The following AGBL1 variants were observed in gnomAD, a reference collection of about 807,000 sequenced individuals.
The protein encoded by AGBL1 is AGBL carboxypeptidase 1.
In AGBL1, 130 loss-of-function variants were observed where a neutral mutation model predicts 118.9. That is an observed-to-expected ratio of 1.09 (90% confidence interval 0.95 to 1.26). The LOEUF (loss-of-function observed/expected upper bound fraction) is 1.26, where lower values mean the gene tolerates loss of function less well. Ranked by LOEUF, AGBL1 falls within the 50% of genes most tolerant of loss-of-function variation. AGBL1 has a pLI of 0.00. For missense variants in AGBL1, 1,584 were observed against 1,298.1 expected (o/e 1.22, Z -3.38); for synonymous variants, 555 against 478.9 (o/e 1.16, Z -2.08).
intron 19 of AGBL1, among the ~76,000 whole-genome samples, chr15:86,541,147 G>C (rs2083489393): frequency 6.6e-6 from 1 of 152,160 alleles, no homozygotes; most frequent in Non-Finnish European, 1.5e-5. Flanking sequence ...GGTAAAAGTT[G>C]GTGGAAAATT....
chr15:86,267,060 G>A lies in AGBL1; in HGVS notation c.1822G>A (p.Ala608Thr), dbSNP rs368031166. The change falls in exon 13 of 23, where the codon GCC (alanine) becomes ACC (threonine). Residue 608 changes from alanine to threonine, a missense_variant. Ala to Thr is a moderately conservative substitution (Grantham distance 58, BLOSUM62 0). Transcript: ENST00000614907. The stretch of plus-strand genomic sequence containing the variant: ...ATTTGAGTCAGGAAATCTTCGCAAA[G>A]CCATCCAAGTGCGTGAGTAAGTAAG... ...SKFESGNLRK[A>T]IQVREFEYDL... 1 of 1,564,234 alleles carries A rather than the reference G, an allele frequency of 6.4e-7. No individual in the cohort carries two copies. The highest frequency in any genetic ancestry group is 8.7e-7 in the Non-Finnish European group (1 of 1,153,210).
intron 17 of AGBL1, among the ~76,000 whole-genome samples, chr15:86,352,513 G>A (rs950184028): frequency 1.3e-5 from 2 of 149,018 alleles, no homozygotes; most frequent in Admixed American, 1.3e-4. Context: ...GTCTTGGTCT[G>A]TTGTCCAAGC....
At chr15:86,643,897 C>T (rs1365356207) in intron 21 of AGBL1, among the ~76,000 whole-genome samples, 1 of 152,130 alleles carries the variant, frequency 6.6e-6, no homozygotes, top group African/African-American at 2.4e-5. Context: ...CAGCTTTCAA[C>T]TTTTAGGACC....
intron 24 of AGBL1, among the ~76,000 whole-genome samples, chr15:86,996,783 T>C (rs2081384235): frequency 6.6e-6 from 1 of 152,196 alleles, no homozygotes; most frequent in African/African-American, 2.4e-5. Context: ...TCATTTACAA[T>C]TCAATAGCAA....
chr15:86,713,343 C>G (rs547176586), intron 22 of AGBL1, among the ~76,000 whole-genome samples: 38 of 152,230 alleles, frequency 2.5e-4, no homozygotes, highest in African/African-American at 7.7e-4. Flanking sequence ...TGTTATGAAG[C>G]GTTGCTGTGG....
intron 22 of AGBL1, among the ~76,000 whole-genome samples, chr15:86,828,876 A>G (rs1055037367): frequency 6.7e-6 from 1 of 149,390 alleles, no homozygotes; most frequent in Non-Finnish European, 1.5e-5. Context: ...AATTACATAT[A>G]CAGTCATATA....
chr15:86,816,906 C>G (rs1374410516), intron 22 of AGBL1, among the ~76,000 whole-genome samples: 1 of 152,082 alleles, frequency 6.6e-6, no homozygotes, highest in Non-Finnish European at 1.5e-5. Flanking sequence ...GTAAGAAAGG[C>G]ATTATTACAT....
chr15:86,611,580 G>A (rs1440117918), intron 21 of AGBL1, among the ~76,000 whole-genome samples: 1 of 152,142 alleles, frequency 6.6e-6, no homozygotes. Flanking sequence ...CCTACAAGGT[G>A]AATTGCATCC....
chr15:86,692,009 G>C (rs533180972), intron 22 of AGBL1, among the ~76,000 whole-genome samples: 25 of 151,990 alleles, frequency 1.6e-4, no homozygotes, highest in Admixed American at 6.6e-4. Context: ...TTTGAGGCTT[G>C]TCCCTCTCTT....
chr15:86,351,322 C>T (rs1213739621), intron 17 of AGBL1, among the ~76,000 whole-genome samples: 1 of 152,106 alleles, frequency 6.6e-6, no homozygotes, highest in Non-Finnish European at 1.5e-5. Context: ...GGGCAAAGTC[C>T]TTATGGCCTT....
intron 22 of AGBL1, among the ~76,000 whole-genome samples, chr15:86,710,267 A>G (rs2086533561): frequency 6.6e-6 from 1 of 152,162 alleles, no homozygotes; most frequent in Non-Finnish European, 1.5e-5. Flanking sequence ...GATGGATTGC[A>G]TGTTGGGGTG....
chr15:86,160,291 A>C (rs1028483042), intron 5 of AGBL1, among the ~76,000 whole-genome samples: 6 of 152,000 alleles, frequency 3.9e-5, no homozygotes, highest in Non-Finnish European at 7.4e-5. Context: ...GACCAAAAAA[A>C]TTTATTTTCT....
At chr15:86,763,227 G>A (rs1256742678) in intron 22 of AGBL1, among the ~76,000 whole-genome samples, 1 of 151,906 alleles carries the variant, frequency 6.6e-6, no homozygotes. Context: ...TATGACTTAT[G>A]CACATGGACA....
intron 22 of AGBL1, among the ~76,000 whole-genome samples, chr15:86,783,569 C>T (rs2078364818): frequency 6.6e-6 from 1 of 152,174 alleles, no homozygotes; most frequent in African/African-American, 2.4e-5. Context: ...TTCTTTGCAT[C>T]ACTATTTGAA....
At chr15:86,989,753 A>G (rs1455844965) in intron 24 of AGBL1, among the ~76,000 whole-genome samples, 2 of 152,218 alleles carry the variant, frequency 1.3e-5, no homozygotes, top group African/African-American at 2.4e-5. Context: ...ACTATTTTAA[A>G]GAAGATGTTT....
intron 21 of AGBL1, among the ~76,000 whole-genome samples, chr15:86,623,800 T>A (rs538666420): frequency 6.6e-6 from 1 of 152,302 alleles, no homozygotes; most frequent in South Asian, 2.1e-4. Context: ...TTACAATAAT[T>A]CCAAATCCTG....
intron 23 of AGBL1, among the ~76,000 whole-genome samples, chr15:86,945,761 C>T (rs372376683): frequency 9.9e-5 from 15 of 152,208 alleles, no homozygotes; most frequent in East Asian, 7.7e-4. Context: ...TATGTGTGTG[C>T]GTGTATGTAT....
chr15:86,345,286 A>G (rs2080519574), intron 17 of AGBL1, among the ~76,000 whole-genome samples: 1 of 152,000 alleles, frequency 6.6e-6, no homozygotes. Context: ...GCTCTTTTTC[A>G]GGAGACTCTG....
At chr15:86,238,972 A>G (rs1345987697) in intron 6 of AGBL1, among the ~76,000 whole-genome samples, 1 of 152,054 alleles carries the variant, frequency 6.6e-6, no homozygotes, top group East Asian at 1.9e-4. Flanking sequence ...TTGCAACCTA[A>G]GGTCCTTCAT....
Sources: allele counts gnomAD v4.1 joint callset (sites outside exome capture counted in the v4.1 genomes callset), GRCh38; gene constraint gnomAD v4.1.1; transcripts MANE v1.5; gene names NCBI Gene and HGNC (gene_info 2026-07-23, HGNC 2026-07-21).